Variants in NBEA observed in about 807,000 individuals in gnomAD.
The protein encoded by NBEA is lysosomal-trafficking regulator 2.
Under a neutral mutation model 343.4 loss-of-function variants are expected in NBEA, and 44 were observed. That is an observed-to-expected ratio of 0.13 (90% CI 0.10 to 0.16). The LOEUF is 0.16. Among genes scored for constraint, NBEA ranks in the 10% least tolerant of loss-of-function variants. The probability of loss-of-function intolerance (pLI) is 1.00; values close to 1 mark genes in which losing one functional copy is unlikely to be tolerated. For missense variants in NBEA, 2,555 were observed against 3,631.3 expected (o/e 0.70, Z 7.62); for synonymous variants, 1,175 against 1,238.7 (o/e 0.95, Z 1.08).
At chr13:35,045,235 G>A (rs2062806150) in intron 3 of NBEA, 71 bp from the exon 4 acceptor site, 4 of 1,305,712 alleles carry the variant, frequency 3.1e-6, no homozygotes, top group Non-Finnish European at 3.2e-6. Flanking sequence ...CAGTCCAATG[G>A]GTAACATGGT....
intron 38 of NBEA, among the ~76,000 whole-genome samples, chr13:35,358,445 G>C (rs1216534919): frequency 6.6e-6 from 1 of 152,078 alleles, no homozygotes; most frequent in Non-Finnish European, 1.5e-5. Flanking sequence ...GGCCAGGCAA[G>C]GTGGCTCAAA....
chr13:35,458,685 T>G (rs1055922134), intron 40 of NBEA, among the ~76,000 whole-genome samples: 6 of 152,176 alleles, frequency 3.9e-5, no homozygotes, highest in African/African-American at 1.2e-4. Flanking sequence ...AGCTCATCAC[T>G]TGAATTTTCC....
intron 41 of NBEA, among the ~76,000 whole-genome samples, chr13:35,486,450 G>T (rs2076304842): frequency 6.6e-6 from 1 of 152,016 alleles, no homozygotes; most frequent in South Asian, 2.1e-4. Context: ...ATAATTCTGA[G>T]CTGGGAAAGA....
chr13:35,323,927 A>T (rs1460123341), intron 36 of NBEA, among the ~76,000 whole-genome samples: 2 of 151,774 alleles, frequency 1.3e-5, no homozygotes, highest in Non-Finnish European at 2.9e-5. Context: ...CACATATCAT[A>T]TTTTTTTTGT....
At chr13:35,362,266 C>G (rs752849060) in intron 38 of NBEA, among the ~76,000 whole-genome samples, 13 of 151,902 alleles carry the variant, frequency 8.6e-5, no homozygotes, top group East Asian at 1.9e-4. Context: ...CATAGAGTCT[C>G]AAGACCATAA....
chr13:35,262,131 AT>A (rs1156718173), intron 34 of NBEA, among the ~76,000 whole-genome samples: 2 of 152,190 alleles, frequency 1.3e-5, no homozygotes, highest in African/African-American at 4.8e-5. Flanking sequence ...ACCTCTACAA[AT>A]ATATGAGAAT....
chr13:35,589,789 G>A (rs1294812255), intron 46 of NBEA, among the ~76,000 whole-genome samples: 1 of 152,052 alleles, frequency 6.6e-6, no homozygotes, highest in African/African-American at 2.4e-5. Flanking sequence ...GAATACAGAA[G>A]GACAGGTACT....
chr13:34,994,436 A>G (rs957046646), intron 1 of NBEA, among the ~76,000 whole-genome samples: 2 of 152,130 alleles, frequency 1.3e-5, no homozygotes, highest in African/African-American at 4.8e-5. Flanking sequence ...AGAGTGAGAC[A>G]GACATAGGAA....
At chr13:35,363,390 G>A (rs972120310) in intron 38 of NBEA, among the ~76,000 whole-genome samples, 1 of 151,764 alleles carries the variant, frequency 6.6e-6, no homozygotes, top group African/African-American at 2.4e-5. Context: ...ATGGATTCCT[G>A]CCATTTCATT....
At chr13:35,361,589 A>C (rs554429257) in intron 38 of NBEA, among the ~76,000 whole-genome samples, 5 of 152,070 alleles carry the variant, frequency 3.3e-5, no homozygotes, top group African/African-American at 4.8e-5. Context: ...TAAAACTTCT[A>C]GGAGAAAACA....
chr13:35,273,414 A>T (rs1038344324), intron 34 of NBEA, among the ~76,000 whole-genome samples: 5 of 152,210 alleles, frequency 3.3e-5, no homozygotes, highest in Non-Finnish European at 7.3e-5. Flanking sequence ...AGCAGAAAAG[A>T]TCTAAAATCG....
At chr13:35,479,065 CT>C (rs1177126878) in intron 41 of NBEA, among the ~76,000 whole-genome samples, 1 of 152,194 alleles carries the variant, frequency 6.6e-6, no homozygotes, top group Non-Finnish European at 1.5e-5. Flanking sequence ...CAACCAGCGC[CT>C]TTTCACTAAC....
intron 45 of NBEA, among the ~76,000 whole-genome samples, chr13:35,571,449 T>G (rs2080417261): frequency 6.6e-6 from 1 of 152,018 alleles, no homozygotes; most frequent in Admixed American, 6.6e-5. Flanking sequence ...TTGTGCAAAT[T>G]TAAGATGTTT....
intron 8 of NBEA, among the ~76,000 whole-genome samples, chr13:35,064,981 T>C (rs1268412513): frequency 6.7e-6 from 1 of 150,354 alleles, no homozygotes; most frequent in Non-Finnish European, 1.5e-5. Context: ...CAAGGTCTTA[T>C]CTGTGTTGTG....
intron 6 of NBEA, among the ~76,000 whole-genome samples, chr13:35,055,098 T>G (rs1434082997): frequency 6.6e-6 from 1 of 152,146 alleles, no homozygotes; most frequent in Non-Finnish European, 1.5e-5. Context: ...ATTTAAATAA[T>G]CTGTAGAACA....
At chr13:35,420,677 T>A (rs2044216657) in intron 38 of NBEA, among the ~76,000 whole-genome samples, 1 of 151,972 alleles carries the variant, frequency 6.6e-6, no homozygotes, top group Non-Finnish European at 1.5e-5. Flanking sequence ...CATCTTAAAT[T>A]TCTTTAATTG....
intron 38 of NBEA, among the ~76,000 whole-genome samples, chr13:35,423,275 G>T (rs2044419730): frequency 6.6e-6 from 1 of 152,056 alleles, no homozygotes; most frequent in African/African-American, 2.4e-5. Flanking sequence ...GGGATTTTAT[G>T]GTTTTAGGTC....
At chr13:35,015,172 G>A (rs1024569935) in intron 1 of NBEA, among the ~76,000 whole-genome samples, 1 of 148,346 alleles carries the variant, frequency 6.7e-6, no homozygotes, top group African/African-American at 2.5e-5. Flanking sequence ...CACAAAGCAG[G>A]GGCCTAGATC....
At chr13:35,139,752 T>G (rs1014722336) in intron 17 of NBEA, among the ~76,000 whole-genome samples, 2 of 141,370 alleles carry the variant, frequency 1.4e-5, no homozygotes, top group Non-Finnish European at 3.0e-5. Flanking sequence ...GCGTTTTTTT[T>G]TTTTTTTTTT....
Sources: gnomAD v4.1 joint callset for allele counts (sites outside exome capture counted in the v4.1 genomes callset) on GRCh38, gnomAD v4.1.1 for gene constraint, MANE v1.5 for transcripts, NCBI Gene and HGNC (gene_info 2026-07-23, HGNC 2026-07-21) for gene names.